Variants in SLC71A2 observed in about 807,000 individuals in gnomAD.
SLC71A2 encodes the protein solute carrier family 71 member 2.
chr9:94,444,404 G>T, the SLC71A2 span, among the ~76,000 whole-genome samples: 1 of 152,162 alleles, frequency 6.6e-6, no homozygotes, highest in African/African-American at 2.4e-5. Context: ...CTTTGTTGTT[G>T]TTAATAGTTT....
chr9:94,397,189 C>G, the SLC71A2 span, among the ~76,000 whole-genome samples: 3 of 152,002 alleles, frequency 2.0e-5, no homozygotes, highest in African/African-American at 7.2e-5. Flanking sequence ...AGTTTTATAT[C>G]CACAGAAAAA....
At chr9:94,396,241 C>T in the SLC71A2 span, among the ~76,000 whole-genome samples, 5 of 150,328 alleles carry the variant, frequency 3.3e-5, no homozygotes, top group East Asian at 3.9e-4. Context: ...TGGCGCCAGG[C>T]GCAGTGGCTC....
At chr9:94,390,029 A>G in the SLC71A2 span, among the ~76,000 whole-genome samples, 10 of 152,280 alleles carry the variant, frequency 6.6e-5, no homozygotes, top group African/African-American at 2.4e-4. Flanking sequence ...CCTGGCTAAC[A>G]CAGTGAAACC....
the SLC71A2 span, among the ~76,000 whole-genome samples, chr9:94,376,008 C>T: frequency 6.7e-6 from 1 of 150,080 alleles, no homozygotes; most frequent in East Asian, 1.9e-4. Flanking sequence ...TTGAAGTCCC[C>T]TCCCAGCCCA....
chr9:94,447,481 GTTT>G, the SLC71A2 span, among the ~76,000 whole-genome samples: 1,208 of 98,354 alleles, frequency 0.012, 13 homozygotes, highest in African/African-American at 0.034. Context: ...TGCCCAGCCT[GTTT>G]TTTTTTTTTT....
chr9:94,410,195 C>T, the SLC71A2 span, among the ~76,000 whole-genome samples: 4 of 151,768 alleles, frequency 2.6e-5, no homozygotes, highest in Non-Finnish European at 4.4e-5. Flanking sequence ...TCCTGCACTC[C>T]AGCGATCTTC....
the SLC71A2 span, among the ~76,000 whole-genome samples, chr9:94,438,189 C>T: frequency 1.3e-5 from 2 of 152,198 alleles, no homozygotes; most frequent in African/African-American, 2.4e-5. Flanking sequence ...CCACCCGCCT[C>T]GGCCTTCCAA....
chr9:94,442,307 CACA>C, the SLC71A2 span, among the ~76,000 whole-genome samples: 14 of 152,270 alleles, frequency 9.2e-5, no homozygotes, highest in Middle Eastern at 6.8e-3. Context: ...TTCCACAAAA[CACA>C]ACAATTTTTA....
chr9:94,442,513 A>G, the SLC71A2 span, among the ~76,000 whole-genome samples: 1 of 152,160 alleles, frequency 6.6e-6, no homozygotes, highest in African/African-American at 2.4e-5. Context: ...GCTGATAGGA[A>G]AGCTTCGAAG....
At chr9:94,410,840 A>T in the SLC71A2 span, among the ~76,000 whole-genome samples, 1 of 152,160 alleles carries the variant, frequency 6.6e-6, no homozygotes, top group Non-Finnish European at 1.5e-5. Flanking sequence ...ATCTTGGCTC[A>T]CTGCAGCCTC....
chr9:94,379,207 C>G, the SLC71A2 span, among the ~76,000 whole-genome samples: 1 of 150,860 alleles, frequency 6.6e-6, no homozygotes, highest in African/African-American at 2.4e-5. Flanking sequence ...CTGCCTCAGC[C>G]TCCCATGTAG....
the SLC71A2 span, among the ~76,000 whole-genome samples, chr9:94,441,256 A>T: frequency 1.3e-5 from 2 of 152,212 alleles, no homozygotes; most frequent in East Asian, 3.8e-4. Flanking sequence ...TAATTGTCTC[A>T]CAGTTCTGCA....
At chr9:94,410,741 T>TA in the SLC71A2 span, among the ~76,000 whole-genome samples, 1 of 152,180 alleles carries the variant, frequency 6.6e-6, no homozygotes, top group African/African-American at 2.4e-5. Context: ...AAATAACCAT[T>TA]AAAAAAATCA....
the SLC71A2 span, chr9:94,438,300 G>A: frequency 3.7e-6 from 5 of 1,361,172 alleles, no homozygotes; most frequent in South Asian, 2.5e-5. Flanking sequence ...TGTTTTGGGG[G>A]CAGTACAATG....
the SLC71A2 span, among the ~76,000 whole-genome samples, chr9:94,437,855 C>T: frequency 6.8e-6 from 1 of 146,860 alleles, no homozygotes; most frequent in Non-Finnish European, 1.5e-5. Context: ...CTAATTTCTT[C>T]TGGAAAACAA....
At chr9:94,423,793 G>C in the SLC71A2 span, among the ~76,000 whole-genome samples, 1 of 152,194 alleles carries the variant, frequency 6.6e-6, no homozygotes. Flanking sequence ...AAGAATGGTG[G>C]CATCTTCACC....
chr9:94,440,918 T>C, the SLC71A2 span: 6 of 891,380 alleles, frequency 6.7e-6, no homozygotes, highest in Admixed American at 1.1e-4. Context: ...ATGATGTCTT[T>C]GGCTCAGGTA....
the SLC71A2 span, chr9:94,456,268 GC>G: frequency 6.2e-7 from 1 of 1,614,112 alleles, no homozygotes; most frequent in Non-Finnish European, 8.5e-7. Context: ...GACCGTGGCT[GC>G]CATGTCCAGC....
the SLC71A2 span, among the ~76,000 whole-genome samples, chr9:94,439,670 G>T: frequency 6.6e-6 from 1 of 151,708 alleles, no homozygotes; most frequent in African/African-American, 2.4e-5. Flanking sequence ...ACGAGTTGAA[G>T]AATTTTTTGG....
Sources: allele counts gnomAD v4.1 joint callset (sites outside exome capture counted in the v4.1 genomes callset), GRCh38; gene constraint gnomAD v4.1.1; transcripts MANE v1.5; gene names NCBI Gene and HGNC (gene_info 2026-07-23, HGNC 2026-07-21).